The following CBFB variants were observed in gnomAD, a reference collection of about 807,000 sequenced individuals.
The protein encoded by CBFB is CBF-beta.
A neutral mutation model predicts 30.4 loss-of-function variants in CBFB; 9 were observed. The observed-to-expected ratio is 0.30, with a 90% CI of 0.18 to 0.52. The LOEUF is 0.52. CBFB is among the 20% of genes least tolerant of loss of function. The pLI, the probability that CBFB is intolerant of heterozygous loss-of-function variation, is 0.97. For synonymous variants in CBFB, 94 were observed against 84.0 expected (o/e 1.12, Z -0.65); for missense variants, 170 against 244.0 (o/e 0.70, Z 2.02).
chr16:67,030,148 T>C (rs763071194), intron 2 of CBFB: 28 of 238,876 alleles, frequency 1.2e-4, no homozygotes, highest in Non-Finnish European at 1.9e-4. Context: ...CAAACCCCCA[T>C]TCGGAAAAAG....
chr16:67,047,878 G>A (rs943855599), intron 3 of CBFB, among the ~76,000 whole-genome samples: 2 of 152,050 alleles, frequency 1.3e-5, no homozygotes, highest in Non-Finnish European at 2.9e-5. Flanking sequence ...AGACTAGCGT[G>A]GCCAGCATGG....
At chr16:67,041,924 G>A (rs1277919246) in intron 3 of CBFB, among the ~76,000 whole-genome samples, 2 of 139,560 alleles carry the variant, frequency 1.4e-5, no homozygotes, top group Non-Finnish European at 3.1e-5. Flanking sequence ...TTTTACCCCT[G>A]ACAAAACAAG....
intron 3 of CBFB, among the ~76,000 whole-genome samples, chr16:67,038,263 A>G (rs997240601): frequency 6.6e-6 from 1 of 151,514 alleles, no homozygotes. Context: ...CCTTTGAGAA[A>G]TATTTAATTT....
chr16:67,038,350 G>A (rs1966477231), intron 3 of CBFB, among the ~76,000 whole-genome samples: 1 of 151,040 alleles, frequency 6.6e-6, no homozygotes, highest in Non-Finnish European at 1.5e-5. Flanking sequence ...ATGTATATAT[G>A]TGTGTGTATA....
chr16:67,054,634 A>G (rs1442684472), intron 3 of CBFB, among the ~76,000 whole-genome samples: 1 of 152,156 alleles, frequency 6.6e-6, no homozygotes, highest in Non-Finnish European at 1.5e-5. Flanking sequence ...TGATCCTGTT[A>G]CCTTATTTTC....
intron 3 of CBFB, among the ~76,000 whole-genome samples, chr16:67,056,794 G>A (rs1197221276): frequency 1.3e-5 from 2 of 151,756 alleles, no homozygotes; most frequent in African/African-American, 2.4e-5. Context: ...CAGGTCTCCT[G>A]CCTCAGCCTC....
intron 3 of CBFB, among the ~76,000 whole-genome samples, chr16:67,046,483 A>G (rs1344110260): frequency 6.6e-6 from 1 of 152,196 alleles, no homozygotes; most frequent in Non-Finnish European, 1.5e-5. Flanking sequence ...TAGCACTGCT[A>G]TGCCCTAGTT....
rs955745271 is a variant in CBFB, at chr16:67,080,016, T to C, written c.400-2197T>C. Among the ~76,000 whole-genome samples, 6 of 152,152 alleles carry C rather than the reference T, an allele frequency of 3.9e-5. No individual in the cohort carries two copies. In the East Asian group the frequency reaches 1.2e-3, roughly 29 times the overall value. Reference sequence around the variant, plus strand: ...GGGAGGCTGAAGCAAGATAATTGCTTGAACCTGGGAGGTTGCAGTGAGCAG... The same window carrying C: ...GGGAGGCTGAAGCAAGATAATTGCTCGAACCTGGGAGGTTGCAGTGAGCAG... On this transcript the variant is annotated intron_variant, in intron 4 of 5. Coordinates refer to ENST00000412916, the MANE Select transcript of CBFB (RefSeq NM_022845.3).
chr16:67,056,714 G>A (rs972046506), intron 3 of CBFB, among the ~76,000 whole-genome samples: 53 of 148,056 alleles, frequency 3.6e-4, no homozygotes, highest in African/African-American at 1.2e-3. Context: ...ACAGAGTCTC[G>A]CTCTGTCACC....
At chr16:67,053,811 T>C (rs186398309) in intron 3 of CBFB, among the ~76,000 whole-genome samples, 1 of 151,754 alleles carries the variant, frequency 6.6e-6, no homozygotes, top group East Asian at 1.9e-4. Context: ...TATTTTCTGC[T>C]TCTAGGCTCA....
rs1022156940 is a variant in CBFB, at chr16:67,052,023, C to T, written c.283-14659C>T. Among the ~76,000 whole-genome samples, 16 of 151,544 alleles carry T rather than the reference C, an allele frequency of 1.1e-4. No homozygotes were observed. The East Asian group carries it at 1.6e-3, about 15-fold the overall frequency. On this transcript the variant is annotated intron_variant, in intron 3 of 5. Coordinates refer to ENST00000412916, the MANE Select transcript of CBFB (RefSeq NM_022845.3). The stretch of plus-strand genomic sequence containing the variant: ...GGCTCTGTCACCCAAGCTGGAGTGC[C>T]GTGACACGATCTCAGCTCTCTGCAA...
chr16:67,055,312 GCACA>G (rs199844277), intron 3 of CBFB, among the ~76,000 whole-genome samples: 2 of 146,884 alleles, frequency 1.4e-5, no homozygotes, highest in Non-Finnish European at 3.0e-5. Flanking sequence ...ATGTGTATAC[GCACA>G]CACACACAGT....
chr16:67,059,464 C>T (rs2145741915), intron 3 of CBFB, among the ~76,000 whole-genome samples: 1 of 152,306 alleles, frequency 6.6e-6, no homozygotes, highest in Non-Finnish European at 1.5e-5. Flanking sequence ...TTGATGAAAG[C>T]AGTGGACTTC....
intron 2 of CBFB, among the ~76,000 whole-genome samples, chr16:67,031,426 A>T (rs1325986332): frequency 6.6e-6 from 1 of 152,236 alleles, no homozygotes; most frequent in Non-Finnish European, 1.5e-5. Flanking sequence ...TTGCAAAGGG[A>T]AGGTGGTATA....
At chr16:67,063,413 A>G (rs1047745016) in intron 3 of CBFB, among the ~76,000 whole-genome samples, 2 of 152,120 alleles carry the variant, frequency 1.3e-5, no homozygotes, top group African/African-American at 4.8e-5. Flanking sequence ...GAATGACACA[A>G]ATATGTACCA....
intron 3 of CBFB, among the ~76,000 whole-genome samples, chr16:67,062,533 T>G (rs1461208379): frequency 6.6e-6 from 1 of 150,736 alleles, no homozygotes; most frequent in Non-Finnish European, 1.5e-5. Context: ...GGCTCATCCC[T>G]GTAACCCGAG....
chr16:67,098,838 G>T lies in CBFB; in HGVS notation c.*60G>T. ...ACATACACATTGCTTCTAGTTGGCA[G>T]AAATAATTGATTAAAAGACCAGAAA... On this transcript the variant is annotated 3_prime_UTR_variant, in exon 6 of 6. Transcript: ENST00000412916. 1 of 956,894 alleles carries T rather than the reference G, an allele frequency of 1.0e-6. No individual in the cohort carries two copies. Among genetic ancestry groups the T allele is most frequent in the Non-Finnish European group, 1.7e-6 (1 of 585,870 alleles). 59.3% of individuals were successfully genotyped at this position (956,894 alleles called of 1,614,324 possible). A position where few individuals can be genotyped will look rare whatever the true frequency, so the allele number is the denominator to read the frequency against.
intron 4 of CBFB, among the ~76,000 whole-genome samples, chr16:67,079,719 G>A (rs1961502747): frequency 6.6e-6 from 1 of 152,102 alleles, no homozygotes; most frequent in Non-Finnish European, 1.5e-5. Flanking sequence ...GGTGACTTGT[G>A]TTTCTGTCTC....
intron 2 of CBFB, 33 bp downstream of exon 2, chr16:67,029,846 A>G (rs1431423638): frequency 2.0e-6 from 3 of 1,528,250 alleles, no homozygotes; most frequent in African/African-American, 1.4e-5. Flanking sequence ...CGCGCGGGTC[A>G]CTTGTTGCGC....
Sources: gnomAD v4.1 joint callset for allele counts (sites outside exome capture counted in the v4.1 genomes callset) on GRCh38, gnomAD v4.1.1 for gene constraint, MANE v1.5 for transcripts, NCBI Gene and HGNC (gene_info 2026-07-23, HGNC 2026-07-21) for gene names.